Variants in MZT2A observed in about 807,000 individuals in gnomAD.
The protein encoded by MZT2A is mitotic spindle organizing protein 2A.
Under a neutral mutation model 12.4 loss-of-function variants are expected in MZT2A, and 8 were observed. That is an observed-to-expected ratio of 0.64 (90% CI 0.38 to 1.16). MZT2A has a LOEUF of 1.16. Among genes scored for constraint, MZT2A ranks in the 50% most tolerant of loss-of-function variants. The probability of loss-of-function intolerance (pLI) is 0.01; values close to 1 mark genes in which losing one functional copy is unlikely to be tolerated. For missense variants in MZT2A, 181 were observed against 223.6 expected (o/e 0.81, Z 1.22); for synonymous variants, 88 against 107.5 (o/e 0.82, Z 1.12).
chr2:131,487,234 C>T (rs1454862599), intron 2 of MZT2A, among the ~76,000 whole-genome samples: 3 of 152,162 alleles, frequency 2.0e-5, no homozygotes, highest in African/African-American at 4.8e-5. Flanking sequence ...AATTCCAGTG[C>T]TTTGGGAGGC....
chr2:131,482,634 A>C, downstream of MZT2A: 3 of 1,614,202 alleles, frequency 1.9e-6, no homozygotes, highest in Non-Finnish European at 2.5e-6. Flanking sequence ...ATGCTGAGCA[A>C]CACCACGGCC....
At chr2:131,487,276 T>C (rs988598152) in intron 2 of MZT2A, among the ~76,000 whole-genome samples, 39 of 152,230 alleles carry the variant, frequency 2.6e-4, no homozygotes, top group Admixed American at 2.1e-3. Context: ...GGCCAGGAGC[T>C]AGAGACCAGC....
downstream of MZT2A, chr2:131,482,765 G>C (rs748673517): frequency 1.1e-5 from 17 of 1,614,222 alleles, no homozygotes; most frequent in Admixed American, 2.8e-4. Flanking sequence ...GGCCCGCGAG[G>C]ACCTGGCAGC....
chr2:131,479,305 C>G, downstream of MZT2A: 1 of 1,613,640 alleles, frequency 6.2e-7, no homozygotes, highest in Non-Finnish European at 8.5e-7. Flanking sequence ...GTCTCTTTTG[C>G]AGATGAAGTG....
chr2:131,482,938 C>T, downstream of MZT2A: 1 of 1,540,308 alleles, frequency 6.5e-7, no homozygotes, highest in Non-Finnish European at 8.7e-7. Context: ...AAACCAAGCC[C>T]TCTGTGTGTC....
chr2:131,475,351 G>A lies in MZT2A; in HGVS notation c.279-3169C>T, dbSNP rs1418844640. On this transcript the variant is annotated intron_variant and NMD_transcript_variant, in intron 2 of 4. Coordinates refer to the MZT2A transcript ENST00000427024. ...TTTTTTTTTTTTTTTTTTTTGAAACGGAGTATGGCTCTGTTGCCCAGGCTG... is the reference window on the plus strand; with the variant it reads ...TTTTTTTTTTTTTTTTTTTTGAAACAGAGTATGGCTCTGTTGCCCAGGCTG... Among the ~76,000 whole-genome samples the A allele has an allele frequency of 3.8e-5, 4 of 105,032 alleles. No individual in the cohort carries two copies. In the East Asian group the frequency reaches 2.1e-3, roughly 56 times the overall value. 68.9% of individuals were successfully genotyped at this position (105,032 alleles called of 152,430 possible).
chr2:131,484,268 G>C lies in MZT2A; in HGVS notation c.320-50C>G, dbSNP rs759577836. 1.9e-6 allele frequency: 3 copies of C among 1,594,926 alleles called. No individual in the cohort carries two copies. The African/African-American group carries it at 4.0e-5, about 21-fold the overall frequency. ...TTAGGAATGGACGCGCCCCATAAAT[G>C]CAGCACCTGCTGTACTCGTGCTCCT... On this transcript the variant is annotated intron_variant, in intron 2 of 2. Coordinates refer to ENST00000309451, the MANE Select transcript of MZT2A (RefSeq NM_001085365.2).
chr2:131,480,187 C>T (rs752480154), downstream of MZT2A: 1 of 1,613,948 alleles, frequency 6.2e-7, no homozygotes, highest in Non-Finnish European at 8.5e-7. Context: ...GGCAAGAAGT[C>T]CAAGCTAGAG....
chr2:131,477,527 AG>A (rs1262678536), intron 2 of MZT2A, among the ~76,000 whole-genome samples: 1 of 150,806 alleles, frequency 6.6e-6, no homozygotes, highest in Non-Finnish European at 1.5e-5. Context: ...GCAGTTGAGC[AG>A]GAAGGGGCCA....
At chr2:131,481,837 G>A (rs985966117), downstream of MZT2A, among the ~76,000 whole-genome samples, 16 of 152,118 alleles carry the variant, frequency 1.1e-4, no homozygotes, top group Non-Finnish European at 1.9e-4. Context: ...AAGTGCTGGG[G>A]TCACAGGCTT....
chr2:131,484,513 T>G (rs1167268740), intron 2 of MZT2A, among the ~76,000 whole-genome samples: 3 of 152,078 alleles, frequency 2.0e-5, no homozygotes, highest in Non-Finnish European at 2.9e-5. Flanking sequence ...CACGGGCCCA[T>G]TTAGGGAAAG....
intron 2 of MZT2A, among the ~76,000 whole-genome samples, chr2:131,487,015 A>G (rs1679076954): frequency 6.6e-6 from 1 of 152,184 alleles, no homozygotes; most frequent in Admixed American, 6.5e-5. Context: ...AGCTTTGCTT[A>G]GCCCTGCTCC....
chr2:131,483,016 C>T (rs1678914650), downstream of MZT2A: 3 of 1,206,598 alleles, frequency 2.5e-6, no homozygotes, highest in Admixed American at 5.7e-5. Flanking sequence ...GGTGGGGTGC[C>T]AGCCTGCCCT....
At chr2:131,488,398 G>A (rs1425455407) in intron 2 of MZT2A, among the ~76,000 whole-genome samples, 1 of 152,142 alleles carries the variant, frequency 6.6e-6, no homozygotes, top group African/African-American at 2.4e-5. Flanking sequence ...CCGTCTGCAT[G>A]GCTGGGGGAC....
At chr2:131,475,605 G>T (rs1444790924) in intron 2 of MZT2A, among the ~76,000 whole-genome samples, 3 of 152,116 alleles carry the variant, frequency 2.0e-5, no homozygotes, top group East Asian at 1.9e-4. Context: ...TGCTGGGATT[G>T]CGGGCGTTAG....
intron 2 of MZT2A, among the ~76,000 whole-genome samples, chr2:131,484,446 G>C (rs1008368444): frequency 2.0e-4 from 31 of 152,238 alleles, no homozygotes; most frequent in African/African-American, 1.2e-4. Context: ...ATGTGTCCTA[G>C]GAGCGAAGCC....
At chr2:131,491,786 C>T in intron 2 of MZT2A, 90 bp downstream of exon 2, 2 of 1,428,326 alleles carry the variant, frequency 1.4e-6, no homozygotes, top group Non-Finnish European at 1.9e-6. Context: ...GGCCTGGCCA[C>T]TCAGGGCCAC....
At chr2:131,491,794 C>T in intron 2 of MZT2A, 82 bp downstream of exon 2, 1 of 1,422,842 alleles carries the variant, frequency 7.0e-7, no homozygotes, top group Non-Finnish European at 9.4e-7. Flanking sequence ...CACTCAGGGC[C>T]ACGCCGCCGC....
intron 2 of MZT2A, 131 bp from the exon 3 acceptor site, chr2:131,484,349 G>C: frequency 1.4e-6 from 2 of 1,391,922 alleles, no homozygotes; most frequent in Non-Finnish European, 9.7e-7. Flanking sequence ...TAGAGGCCCT[G>C]CATCAGCCCC....
Sources: gnomAD v4.1 joint callset for allele counts (sites outside exome capture counted in the v4.1 genomes callset) on GRCh38, gnomAD v4.1.1 for gene constraint, MANE v1.5 for transcripts, NCBI Gene and HGNC (gene_info 2026-07-23, HGNC 2026-07-21) for gene names.